The following PMS1 variants were observed in gnomAD, a reference collection of about 807,000 sequenced individuals.
The protein encoded by PMS1 is PMS1 homolog 1, mismatch repair system component, also known as PMS1 protein homolog 1.
In PMS1, 79 loss-of-function variants were observed where a neutral mutation model predicts 93.1. The ratio of observed to expected loss-of-function variants is 0.85; its 90% confidence interval spans 0.71 to 1.02. The LOEUF is 1.02. Among genes scored for constraint, PMS1 ranks in the 50% least tolerant of loss-of-function variants. The probability of loss-of-function intolerance (pLI) is 0.00; values close to 1 mark genes in which losing one functional copy is unlikely to be tolerated. For synonymous variants in PMS1, 335 were observed against 363.4 expected, an observed-to-expected ratio of 0.92 and a Z score of 0.89; for missense variants, 1,064 against 1,085.3, an observed-to-expected ratio of 0.98 and a Z score of 0.28.
At chr2:189,827,353 G>GA (rs1207766012) in intron 5 of PMS1, among the ~76,000 whole-genome samples, 3 of 152,104 alleles carry the variant, frequency 2.0e-5, no homozygotes, top group African/African-American at 7.2e-5. Flanking sequence ...GCCAATGAAA[G>GA]TCAATGACAT....
chr2:189,807,535 A>C (rs914678247), intron 4 of PMS1, among the ~76,000 whole-genome samples: 78 of 152,156 alleles, frequency 5.1e-4, no homozygotes, highest in African/African-American at 1.9e-3. Context: ...TATAAAACTT[A>C]AAGGAATTTA....
chr2:189,853,627 T>C (rs1256534221), intron 7 of PMS1, among the ~76,000 whole-genome samples: 2 of 151,970 alleles, frequency 1.3e-5, no homozygotes, highest in Admixed American at 1.3e-4. Context: ...GCAATTCTCC[T>C]GCCTCATCCT....
chr2:189,846,966 A>AT (rs2054307292), intron 6 of PMS1, among the ~76,000 whole-genome samples: 1 of 149,520 alleles, frequency 6.7e-6, no homozygotes. Context: ...GGTTCAAGTG[A>AT]TTCTCCTACC....
rs2106462695 is a variant in PMS1 at position 189,854,709 on chromosome 2, G to A, written c.1437G>A (p.Gly479=). The change falls in exon 9 of 13, where the codon GGG becomes GGA. Residue 479 remains glycine, a synonymous_variant. Transcript: ENST00000441310. ...NGNKDHIDES[G]ENEEEAGLEN... is the part of the protein sequence containing the mutation. ...ATAAAGACCATATAGATGAGAGTGG[G>A]GAAAATGAGGAAGAAGCAGGTCTTG... The A allele has an allele frequency of 6.2e-7, 1 of 1,613,852 alleles. No individual in the cohort carries two copies. Among genetic ancestry groups the A allele is most frequent in the Non-Finnish European group, 8.5e-7 (1 of 1,179,862 alleles).
At chr2:189,861,747 CAAAAA>C (rs60765447) in intron 9 of PMS1, among the ~76,000 whole-genome samples, 1 of 115,086 alleles carries the variant, frequency 8.7e-6, no homozygotes, top group Non-Finnish European at 2.0e-5. Flanking sequence ...GACTCTGTCT[CAAAAA>C]AAAAAAAAAA....
At chr2:189,792,586 A>C (rs955513551) in intron 2 of PMS1, among the ~76,000 whole-genome samples, 1 of 151,090 alleles carries the variant, frequency 6.6e-6, no homozygotes, top group African/African-American at 2.4e-5. Context: ...ATAGAACTAG[A>C]AACAATGCTG....
At chr2:189,862,015 T>C (rs924965812) in intron 9 of PMS1, among the ~76,000 whole-genome samples, 1 of 151,884 alleles carries the variant, frequency 6.6e-6, no homozygotes, top group African/African-American at 2.4e-5. Context: ...CTTGCATCTG[T>C]AAGTTGTATT....
chr2:189,846,295 T>C (rs1483375331), intron 6 of PMS1, among the ~76,000 whole-genome samples: 1 of 152,106 alleles, frequency 6.6e-6, no homozygotes, highest in Non-Finnish European at 1.5e-5. Context: ...GTGGATCATC[T>C]GAGATCAGGA....
chr2:189,862,912 CT>C (rs2056171248), intron 9 of PMS1, among the ~76,000 whole-genome samples: 1 of 152,104 alleles, frequency 6.6e-6, no homozygotes, highest in African/African-American at 2.4e-5. Flanking sequence ...GGTTGTTTTT[CT>C]TTGGGTTCCC....
At chr2:189,874,956 A>G (rs1051187141) in intron 12 of PMS1, among the ~76,000 whole-genome samples, 2 of 152,082 alleles carry the variant, frequency 1.3e-5, no homozygotes, top group Non-Finnish European at 2.9e-5. Context: ...CTGGTTTTAA[A>G]TATTTTTTTG....
At chr2:189,854,105 T>A (rs1234420643) in intron 8 of PMS1, 23 bp downstream of exon 8, 1 of 1,529,332 alleles carries the variant, frequency 6.5e-7, no homozygotes, top group East Asian at 2.3e-5. Flanking sequence ...AGATAATTTT[T>A]TCTTATGCTA....
At chr2:189,872,799 A>AT (rs947221648) in intron 11 of PMS1, among the ~76,000 whole-genome samples, 8 of 151,430 alleles carry the variant, frequency 5.3e-5, no homozygotes, top group African/African-American at 1.2e-4. Flanking sequence ...CACTCGTCTA[A>AT]TTTTTTTTGT....
At chr2:189,852,077 A>T (rs915533224) in intron 6 of PMS1, among the ~76,000 whole-genome samples, 1 of 152,216 alleles carries the variant, frequency 6.6e-6, no homozygotes, top group Non-Finnish European at 1.5e-5. Context: ...TAAAATTTTT[A>T]TAGAAGAGTT....
At chr2:189,833,384 C>T (rs1236010572) in intron 5 of PMS1, among the ~76,000 whole-genome samples, 4 of 152,092 alleles carry the variant, frequency 2.6e-5, no homozygotes, top group Non-Finnish European at 5.9e-5. Context: ...GGTCAAGAGA[C>T]CATCCTGGCC....
intron 6 of PMS1, 87 bp downstream of exon 6, chr2:189,844,167 A>G: frequency 1.3e-6 from 2 of 1,595,502 alleles, no homozygotes; most frequent in Non-Finnish European, 1.7e-6. Context: ...CAGTGGCAAG[A>G]GGTTAGTCTT....
chr2:189,800,382 G>A (rs2049784000), intron 3 of PMS1, among the ~76,000 whole-genome samples: 1 of 152,148 alleles, frequency 6.6e-6, no homozygotes, highest in Non-Finnish European at 1.5e-5. Context: ...TAGATAAGTT[G>A]TTAGGAGTAG....
At chr2:189,806,120 A>G in intron 4 of PMS1, 2 of 422,544 alleles carry the variant, frequency 4.7e-6, no homozygotes, top group South Asian at 4.3e-5. Flanking sequence ...GTGGAAATAA[A>G]CGATACCATC....
At chr2:189,839,929 T>C (rs2053684764) in intron 5 of PMS1, among the ~76,000 whole-genome samples, 1 of 152,182 alleles carries the variant, frequency 6.6e-6, no homozygotes, top group Admixed American at 6.5e-5. Context: ...AATATGCTTA[T>C]GGTGACTCTA....
intron 10 of PMS1, among the ~76,000 whole-genome samples, chr2:189,866,905 A>G (rs1319321767): frequency 8.5e-5 from 13 of 152,104 alleles, no homozygotes; most frequent in Non-Finnish European, 1.8e-4. Flanking sequence ...CACCATCCCT[A>G]CTGTCTCTCA....
Sources: gnomAD v4.1 joint callset for allele counts (sites outside exome capture counted in the v4.1 genomes callset) on GRCh38, gnomAD v4.1.1 for gene constraint, MANE v1.5 for transcripts, NCBI Gene and HGNC (gene_info 2026-07-23, HGNC 2026-07-21) for gene names.